The following LAD1 variants were observed in gnomAD, a reference collection of about 807,000 sequenced individuals.
The protein encoded by LAD1 is ladinin 1, also known as ladinin-1.
LAD1 carries 53 observed loss-of-function variants against 54.2 expected under a neutral mutation model. That is an observed-to-expected ratio of 0.98 (90% confidence interval 0.78 to 1.23). The LOEUF (loss-of-function observed/expected upper bound fraction) is 1.23. Ranked by LOEUF, LAD1 falls within the 50% of genes most tolerant of loss-of-function variation. The pLI is 0.00. For missense variants in LAD1, 637 were observed against 653.3 expected, an observed-to-expected ratio of 0.98 and a Z score of 0.27; for synonymous variants, 231 against 257.7, an observed-to-expected ratio of 0.90 and a Z score of 0.99.
intron 1 of LAD1, among the ~76,000 whole-genome samples, chr1:201,391,614 C>A (rs373617341): frequency 6.6e-6 from 1 of 152,198 alleles, no homozygotes; most frequent in Admixed American, 6.5e-5. Flanking sequence ...ACTCCCCCAA[C>A]CAAAGTGCAT....
chr1:201,397,246 C>G (rs1345205876), intron 1 of LAD1: 1 of 152,692 alleles, frequency 6.5e-6, no homozygotes, highest in African/African-American at 2.4e-5. Context: ...CCTGCCTGCC[C>G]GCTGAGGCTT....
In LAD1 at chr1:201,383,216, G is replaced by A; in HGVS notation, c.1249-5C>T. The A allele has an allele frequency of 6.2e-7, 1 of 1,613,812 alleles. No individual in the cohort carries two copies. The highest frequency in any genetic ancestry group is 8.5e-7 in the Non-Finnish European group (1 of 1,179,762). On this transcript the variant is annotated splice_polypyrimidine_tract_variant and splice_region_variant and intron_variant, in intron 6 of 9. Transcript: ENST00000391967. ...AGACTTGACAGATTCTGATCTCTGGGAACCAAGAACACCAACAGCTGACCC... is the reference window on the plus strand; with the variant it reads ...AGACTTGACAGATTCTGATCTCTGGAAACCAAGAACACCAACAGCTGACCC...
At chr1:201,395,773 A>G (rs2102361218) in intron 1 of LAD1, among the ~76,000 whole-genome samples, 1 of 152,238 alleles carries the variant, frequency 6.6e-6, no homozygotes, top group East Asian at 1.9e-4. Flanking sequence ...GTATATAAAG[A>G]AACTGAGGCT....
At chr1:201,381,932 G>A (rs940572745) in intron 9 of LAD1, 39 bp from the exon 10 acceptor site, 7 of 1,608,616 alleles carry the variant, frequency 4.4e-6, no homozygotes, top group South Asian at 1.1e-5. Flanking sequence ...TCAATGGGGT[G>A]TCAGGGATGG....
chr1:201,395,763 G>C (rs969969103), intron 1 of LAD1, among the ~76,000 whole-genome samples: 3 of 152,026 alleles, frequency 2.0e-5, no homozygotes, highest in African/African-American at 7.2e-5. Context: ...TGTCCATCTC[G>C]TATATAAAGA....
rs534730001 is a variant in LAD1 at position 201,397,753 on chromosome 1, C to G, written c.38+1516G>C. Among the ~76,000 whole-genome samples, 12 of 152,112 alleles carry G rather than the reference C, an allele frequency of 7.9e-5. No homozygotes were observed. In the East Asian group the frequency reaches 2.3e-3, roughly 29 times the overall value. ...AGACTCAGCAACATAAGAACCAGCT[C>G]CCCACACAGATGTGTCATCTCTTCA... On this transcript the variant is annotated intron_variant, in intron 1 of 9. Transcript: ENST00000391967.
chr1:201,384,613 C>T (rs1031149364), intron 5 of LAD1, 179 bp downstream of exon 5: 5 of 651,136 alleles, frequency 7.7e-6, no homozygotes, highest in Admixed American at 5.1e-5. Flanking sequence ...CATCTTATCC[C>T]GCCTGAGTTC....
chr1:201,388,890 G>C (rs1253094591), intron 2 of LAD1, among the ~76,000 whole-genome samples: 1 of 152,162 alleles, frequency 6.6e-6, no homozygotes, highest in Non-Finnish European at 1.5e-5. Flanking sequence ...CTCTCTCAGG[G>C]ACATTGTGTG....
intron 3 of LAD1, 152 bp downstream of exon 3, chr1:201,386,183 G>C (rs1360884861): frequency 2.6e-6 from 2 of 783,166 alleles, no homozygotes; most frequent in Non-Finnish European, 3.7e-6. Flanking sequence ...ACCATGGCTA[G>C]AAGCAGGCAG....
chr1:201,391,090 C>G, intron 1 of LAD1: 1 of 456,504 alleles, frequency 2.2e-6, no homozygotes, highest in Non-Finnish European at 4.4e-6. Flanking sequence ...ATGGAAAAAA[C>G]TCCAATATCG....
Position 201,387,107 on chromosome 1 carries a change from A to T in LAD1, c.254T>A (p.Ile85Asn). 1 of 1,597,260 alleles carries T rather than the reference A, an allele frequency of 6.3e-7. No individual in the cohort carries two copies. Among genetic ancestry groups the T allele is most frequent in the South Asian group, 1.1e-5 (1 of 87,540 alleles). The change falls in exon 3 of 10, where the codon ATC (isoleucine) becomes AAC (asparagine). Residue 85 changes from isoleucine (I) to asparagine (N), a missense_variant. By Grantham distance (149) the Ile-to-Asn change is moderately radical. Transcript: ENST00000391967. The stretch of plus-strand genomic sequence containing the variant: ...CTGCCGTGTTCTGAGGATGCTCTGG[A>T]TGTCCTCGTCCTCATCTTTGGAGGC... ...PPASKDEDEDIQSILRTRQER... is the reference protein window; with the variant it reads ...PPASKDEDEDNQSILRTRQER...
Position 201,383,073 on chromosome 1 carries a change from C to T in LAD1, c.1386+1G>A, listed in dbSNP as rs555521327. 1.2e-6 allele frequency: 2 copies of T among 1,611,572 alleles called. No individual in the cohort carries two copies. Among genetic ancestry groups the T allele is most frequent in the African/African-American group, 1.3e-5 (1 of 74,874 alleles). On this transcript the variant is annotated splice_donor_variant, in intron 7 of 9. Coordinates refer to ENST00000391967, the MANE Select transcript of LAD1 (RefSeq NM_005558.4). LOFTEE classifies it high-confidence loss of function. ...GACCCTGTGGGGCCTGAGCCCCTCA[C>T]CTTCCGGCTGGAGGCTGGTTCTGCT...
At chr1:201,393,458 A>T (rs1287184220) in intron 1 of LAD1, among the ~76,000 whole-genome samples, 1 of 152,226 alleles carries the variant, frequency 6.6e-6, no homozygotes. Flanking sequence ...AGCATGGAAC[A>T]GTAGTGGCTG....
Position 201,386,466 on chromosome 1 carries a change from C to A in LAD1, c.895G>T (p.Gly299Trp). Residue 299 changes from glycine to tryptophan, a missense_variant, in exon 3 of 10, where the codon GGG (glycine) becomes TGG (tryptophan). Coordinates refer to ENST00000391967, the MANE Select transcript of LAD1 (RefSeq NM_005558.4). ...QPLAQEPPAS[G>W]GSPATTKEQR... Reference sequence around the variant, plus strand: ...TCCTTGGTGGTGGCTGGGCTTCCCCCAGAGGCTGGCGGCTCCTGCGCCAGG... The same window carrying A: ...TCCTTGGTGGTGGCTGGGCTTCCCCAAGAGGCTGGCGGCTCCTGCGCCAGG... 1 of 1,550,446 alleles carries A rather than the reference C, an allele frequency of 6.4e-7. No homozygotes were observed. Among genetic ancestry groups the A allele is most frequent in the Non-Finnish European group, 8.7e-7 (1 of 1,154,514 alleles).
At chr1:201,385,529 TCTC>T (rs1330683242) in intron 4 of LAD1, among the ~76,000 whole-genome samples, 169 bp downstream of exon 4, 4 of 152,298 alleles carry the variant, frequency 2.6e-5, no homozygotes, top group South Asian at 2.1e-4. Context: ...ACTAACCTGT[TCTC>T]CTCTGCTGAA....
chr1:201,398,918 A>G (rs929078869), intron 1 of LAD1, among the ~76,000 whole-genome samples: 3 of 152,152 alleles, frequency 2.0e-5, no homozygotes, highest in Non-Finnish European at 4.4e-5. Context: ...GGCTTCTCTC[A>G]GGAATGAGGC....
intron 1 of LAD1, among the ~76,000 whole-genome samples, chr1:201,392,107 G>C (rs1261077057): frequency 6.6e-6 from 1 of 152,210 alleles, no homozygotes; most frequent in Non-Finnish European, 1.5e-5. Flanking sequence ...CAGGTGATCT[G>C]GTTTCTAGTC....
intron 1 of LAD1, among the ~76,000 whole-genome samples, chr1:201,397,664 C>T (rs1662320663): frequency 6.6e-6 from 1 of 152,064 alleles, no homozygotes; most frequent in Non-Finnish European, 1.5e-5. Context: ...ATTTTTAACC[C>T]AATGCACAGT....
At chr1:201,397,955 T>C (rs1370745843) in intron 1 of LAD1, among the ~76,000 whole-genome samples, 1 of 152,202 alleles carries the variant, frequency 6.6e-6, no homozygotes, top group Non-Finnish European at 1.5e-5. Context: ...ACCCTCAGCA[T>C]AGACCTTCCT....
Sources: allele counts gnomAD v4.1 joint callset (sites outside exome capture counted in the v4.1 genomes callset), GRCh38; gene constraint gnomAD v4.1.1; transcripts MANE v1.5; gene names NCBI Gene and HGNC (gene_info 2026-07-23, HGNC 2026-07-21).